ZNF469: variants seen among roughly 807,000 people sequenced by gnomAD.
ZNF469 encodes the protein zinc finger protein 469.
Under a neutral mutation model 1.0 loss-of-function variants are expected in ZNF469, and 1 was observed. The ratio of observed to expected loss-of-function variants is 1.00; its 90% CI spans 0.35 to 4.73. ZNF469 has a LOEUF of 4.73. ZNF469 is among the 30% of genes most tolerant of loss of function. The pLI is 0.16. For synonymous variants in ZNF469, 2,703 were observed against 2,363.4 expected (o/e 1.14, Z -4.17); for missense variants, 6,100 against 5,356.3 (o/e 1.14, Z -4.33).
chr16:88,141,824 G>A, the ZNF469 span, among the ~76,000 whole-genome samples: 1 of 152,352 alleles, frequency 6.6e-6, no homozygotes, highest in South Asian at 2.1e-4. Flanking sequence ...GCCTCTGGAA[G>A]CCAGAAAAGG....
rs980269238 is a variant in ZNF469 at position 88,430,716 on chromosome 16, C to T, written c.3246C>T (p.Pro1082=). 14 of 1,487,530 alleles carry T rather than the reference C, an allele frequency of 9.4e-6. No individual in the cohort carries two copies. Among genetic ancestry groups the T allele is most frequent in the South Asian group, 5.2e-5 (4 of 76,622 alleles). 92.1% of individuals were successfully genotyped at this position (1,487,530 alleles called of 1,614,324 possible). The change falls in exon 3 of 3, where the codon CCC becomes CCT. Residue 1082 remains proline (P), a synonymous_variant. Coordinates refer to ENST00000565624, the MANE Select transcript of ZNF469 (RefSeq NM_001367624.2). ...CCCTGGCGGCGGGGAGGCCCCGGCCCGGAGCTGAGGACCGCAGGCTCCGCG... is the reference window on the plus strand; with the variant it reads ...CCCTGGCGGCGGGGAGGCCCCGGCCTGGAGCTGAGGACCGCAGGCTCCGCG... ...CGSLAAGRPR[P]GAEDRRLREY...
the ZNF469 span, among the ~76,000 whole-genome samples, chr16:88,244,460 G>A: frequency 6.7e-6 from 1 of 150,136 alleles, no homozygotes; most frequent in Non-Finnish European, 1.5e-5. Context: ...TGGATGGGTG[G>A]AAGGATGGGT....
the ZNF469 span, among the ~76,000 whole-genome samples, chr16:88,228,663 A>G: frequency 1.3e-5 from 2 of 152,206 alleles, no homozygotes; most frequent in African/African-American, 4.8e-5. Context: ...AAAGTAGATA[A>G]AGGACCAAAA....
chr16:88,426,836 T>TGCTGCCTCAGTCCCCTATGTCCTGCAAC, intron 2 of ZNF469, among the ~76,000 whole-genome samples: 1 of 152,136 alleles, frequency 6.6e-6, no homozygotes, highest in Admixed American at 6.5e-5. Flanking sequence ...GTTGAGCCTC[T>TGCTGCCTCAGTCCCCTATGTCCTGCAAC]GCTGCCTCAG....
the ZNF469 span, among the ~76,000 whole-genome samples, chr16:88,302,869 C>A: frequency 6.6e-6 from 1 of 152,210 alleles, no homozygotes; most frequent in African/African-American, 2.4e-5. Flanking sequence ...CTACAGAACC[C>A]CTCTGCCCTG....
At chr16:88,383,839 C>G (rs902548575) in intron 1 of ZNF469, among the ~76,000 whole-genome samples, 6 of 152,142 alleles carry the variant, frequency 3.9e-5, no homozygotes, top group East Asian at 1.9e-4. Flanking sequence ...ACGCCGCACC[C>G]CCGCCCAGCC....
intron 1 of ZNF469, among the ~76,000 whole-genome samples, chr16:88,400,176 C>T (rs938203399): frequency 6.6e-6 from 1 of 152,218 alleles, no homozygotes; most frequent in East Asian, 1.9e-4. Context: ...TGAGGACGGG[C>T]ACCCAGCAAG....
the ZNF469 span, among the ~76,000 whole-genome samples, chr16:88,243,761 AGATGGATGGATGCAAG>A: frequency 6.3e-5 from 8 of 126,890 alleles, no homozygotes; most frequent in South Asian, 1.1e-3. Flanking sequence ...GTGGATGAAT[AGATGGATGGATGCAAG>A]GATGGATGGA....
At chr16:88,265,690 T>A in the ZNF469 span, among the ~76,000 whole-genome samples, 7 of 152,306 alleles carry the variant, frequency 4.6e-5, no homozygotes, top group South Asian at 1.5e-3. Context: ...AACCCGCCCG[T>A]CCTGGGTCAC....
upstream of ZNF469, among the ~76,000 whole-genome samples, chr16:88,380,522 C>CAT (rs1567495445): frequency 0.011 from 1,200 of 112,520 alleles, 12 homozygotes; most frequent in Non-Finnish European, 0.016. Flanking sequence ...TGCACACACA[C>CAT]GCACTAACAC....
Position 88,398,862 on chromosome 16 carries a change from G to A in ZNF469, c.-192+15608G>A, listed in dbSNP as rs188477721. Among the ~76,000 whole-genome samples the A allele has an allele frequency of 3.4e-3, 518 of 152,320 alleles. 3 individuals are homozygous for A. The highest frequency in any genetic ancestry group is 0.012 in the African/African-American group (480 of 41,558). On this transcript the variant is annotated intron_variant, in intron 1 of 2. Coordinates refer to ENST00000565624, the MANE Select transcript of ZNF469 (RefSeq NM_001367624.2). ...TCTGAGGAAAGTGTTGCTTTCATGG[G>A]TCAGAGACAAAGCAGAGGACGACAG... is the stretch of plus-strand genomic sequence containing the variant.
intron 1 of ZNF469, among the ~76,000 whole-genome samples, chr16:88,407,729 A>G (rs1460787095): frequency 6.6e-6 from 1 of 152,194 alleles, no homozygotes; most frequent in Non-Finnish European, 1.5e-5. Context: ...CCAGGTTTAA[A>G]TTACTCCCAG....
At chr16:88,410,305 A>G (rs1905117032) in intron 1 of ZNF469, among the ~76,000 whole-genome samples, 2 of 151,170 alleles carry the variant, frequency 1.3e-5, no homozygotes, top group African/African-American at 4.9e-5. Flanking sequence ...AGTGCAGGTC[A>G]CACAGTGACA....
chr16:88,139,581 C>T, the ZNF469 span, among the ~76,000 whole-genome samples: 1 of 151,022 alleles, frequency 6.6e-6, no homozygotes, highest in African/African-American at 2.4e-5. Context: ...CTTTTTGTCC[C>T]CTGGCCTGGG....
At chr16:88,155,087 GTTCACAGACCGCA>G in the ZNF469 span, among the ~76,000 whole-genome samples, 35 of 152,212 alleles carry the variant, frequency 2.3e-4, no homozygotes, top group Admixed American at 1.4e-3. Flanking sequence ...AATGCTGCTG[GTTCACAGACCGCA>G]TTCCATGGGG....
At chr16:88,195,867 G>C in the ZNF469 span, among the ~76,000 whole-genome samples, 3 of 152,220 alleles carry the variant, frequency 2.0e-5, no homozygotes, top group Non-Finnish European at 4.4e-5. Context: ...GACAGCCTCT[G>C]TGGGTTTGGG....
chr16:88,249,619 G>C, the ZNF469 span, among the ~76,000 whole-genome samples: 2 of 151,338 alleles, frequency 1.3e-5, no homozygotes, highest in Non-Finnish European at 2.9e-5. Context: ...TATATTTTTA[G>C]TAGAGACGGG....
the ZNF469 span, among the ~76,000 whole-genome samples, chr16:88,328,884 A>AGAGGAGGCCGAGGAGGAAGCG: frequency 2.0e-5 from 3 of 152,130 alleles, no homozygotes; most frequent in African/African-American, 7.2e-5. Flanking sequence ...TGGCCACAGC[A>AGAGGAGGCCGAGGAGGAAGCG]GAGGAGGCCG....
At chr16:88,399,460 A>G (rs11076689) in intron 1 of ZNF469, among the ~76,000 whole-genome samples, 39,061 of 151,970 alleles carry the variant, frequency 0.26, 5,591 homozygotes, top group African/African-American at 0.39. Context: ...CACAGGTTAC[A>G]CAAGCAGATG....
Sources: allele counts gnomAD v4.1 joint callset (sites outside exome capture counted in the v4.1 genomes callset), GRCh38; gene constraint gnomAD v4.1.1; transcripts MANE v1.5; gene names NCBI Gene and HGNC (gene_info 2026-07-23, HGNC 2026-07-21).